The following MYOM2 variants were observed in gnomAD, a reference collection of about 807,000 sequenced individuals.
MYOM2 encodes the protein myomesin 2, also known as myomesin-2.
Under a neutral mutation model 187.6 loss-of-function variants are expected in MYOM2, and 254 were observed. The ratio of observed to expected loss-of-function variants is 1.35; its 90% confidence interval spans 1.22 to 1.50. MYOM2 has a LOEUF of 1.50. Ranked by LOEUF, MYOM2 falls within the 40% of genes most tolerant of loss-of-function variation. The pLI is 0.00. For missense variants in MYOM2, 2,796 were observed against 1,924.0 expected, an observed-to-expected ratio of 1.45 and a Z score of -8.48; for synonymous variants, 981 against 753.8, an observed-to-expected ratio of 1.30 and a Z score of -4.94.
At chr8:2,092,647 C>A in intron 16 of MYOM2, 127 bp downstream of exon 16, 3 of 959,958 alleles carry the variant, frequency 3.1e-6, no homozygotes, top group Non-Finnish European at 4.5e-6. Flanking sequence ...CTGTCTTAGC[C>A]ACACACAAGG....
At chr8:2,103,894 C>T (rs1796805313) in intron 21 of MYOM2, among the ~76,000 whole-genome samples, 1 of 151,976 alleles carries the variant, frequency 6.6e-6, no homozygotes, top group Non-Finnish European at 1.5e-5. Flanking sequence ...GGAGATAGTG[C>T]ATGTGTTATG....
At chr8:2,086,495 C>CA (rs1796075474) in intron 14 of MYOM2, among the ~76,000 whole-genome samples, 4 of 77,120 alleles carry the variant, frequency 5.2e-5, no homozygotes, top group African/African-American at 1.5e-4. Flanking sequence ...CTGTGTGGCC[C>CA]CCCACTGTCG....
At chr8:2,076,529 C>T (rs890384144) in intron 11 of MYOM2, 52 of 508,674 alleles carry the variant, frequency 1.0e-4, no homozygotes, top group African/African-American at 7.6e-4. Context: ...GCCTGTTGCA[C>T]ACCCAGTAAC....
At chr8:2,111,497 A>G (rs1797066689) in intron 25 of MYOM2, among the ~76,000 whole-genome samples, 1 of 152,230 alleles carries the variant, frequency 6.6e-6, no homozygotes, top group South Asian at 2.1e-4. Flanking sequence ...CCTATCATTC[A>G]TTCTCTACTC....
intron 31 of MYOM2, 112 bp from the exon 32 acceptor site, chr8:2,129,015 A>G (rs1554434564): frequency 3.0e-6 from 2 of 672,148 alleles, no homozygotes; most frequent in South Asian, 3.6e-5. Flanking sequence ...GAGAGACACA[A>G]GTGAGAACAG....
At chr8:2,084,132 A>G (rs1819727747) in intron 13 of MYOM2, among the ~76,000 whole-genome samples, 1 of 152,166 alleles carries the variant, frequency 6.6e-6, no homozygotes, top group South Asian at 2.1e-4. Context: ...TCTCTCTGGA[A>G]TGCTTTTTTC....
chr8:2,073,705 A>G (rs559612716), intron 10 of MYOM2, among the ~76,000 whole-genome samples: 15 of 152,360 alleles, frequency 9.8e-5, no homozygotes, highest in African/African-American at 3.1e-4. Context: ...AAGAATCGGG[A>G]CACAATCCGG....
chr8:2,067,266 T>G (rs953877517), intron 6 of MYOM2, among the ~76,000 whole-genome samples: 2 of 152,218 alleles, frequency 1.3e-5, no homozygotes, highest in African/African-American at 4.8e-5. Context: ...ACTGGCTTCT[T>G]AATGCATTTG....
At chr8:2,116,185 T>G in intron 26 of MYOM2, 31 bp from the exon 27 acceptor site, 1 of 1,599,050 alleles carries the variant, frequency 6.3e-7, no homozygotes, top group Non-Finnish European at 8.5e-7. Context: ...CAAACATGTT[T>G]CATATATATT....
intron 6 of MYOM2, among the ~76,000 whole-genome samples, chr8:2,062,861 C>T (rs1563421988): frequency 6.6e-6 from 1 of 152,162 alleles, no homozygotes; most frequent in South Asian, 2.1e-4. Flanking sequence ...ATATACCTTT[C>T]TCAAGAATGA....
intron 19 of MYOM2, among the ~76,000 whole-genome samples, chr8:2,100,187 T>TCCTG (rs1453518028): frequency 6.7e-6 from 1 of 149,444 alleles, no homozygotes; most frequent in Non-Finnish European, 1.5e-5. Context: ...CTTCCTTCCT[T>TCCTG]CCCTCCCTGC....
chr8:2,122,918 T>C (rs914882879), intron 28 of MYOM2, among the ~76,000 whole-genome samples: 7 of 152,212 alleles, frequency 4.6e-5, no homozygotes, highest in African/African-American at 1.7e-4. Context: ...GAAATCCCCA[T>C]ATATATTGCT....
At chr8:2,097,104 G>C (rs1410026228) in intron 18 of MYOM2, 1 of 981,820 alleles carries the variant, frequency 1.0e-6, no homozygotes, top group African/African-American at 1.7e-5. Flanking sequence ...CCTCAGGGGA[G>C]TCACTTACAC....
chr8:2,090,792 C>T lies in MYOM2; in HGVS notation c.1828+601C>T, dbSNP rs141101869. ...GCTTCACTCATATTCCTGCAAAGGA[C>T]GTGGTCTTGTTCTTTTTTATGGCTG... On this transcript the variant is annotated intron_variant, in intron 15 of 36. Coordinates refer to ENST00000262113, the MANE Select transcript of MYOM2 (RefSeq NM_003970.4). 1.5e-3 allele frequency among the ~76,000 whole-genome samples: 235 copies of T among 152,284 alleles called. 1 individual carries two copies. The highest frequency in any genetic ancestry group is 5.5e-3 in the African/African-American group (229 of 41,558).
chr8:2,092,289 C>A, intron 15 of MYOM2, 57 bp from the exon 16 acceptor site: 1 of 1,572,002 alleles, frequency 6.4e-7, no homozygotes, highest in Admixed American at 1.7e-5. Context: ...AAGATCTCTG[C>A]TGTAGCTTCC....
intron 25 of MYOM2, among the ~76,000 whole-genome samples, chr8:2,114,481 C>T (rs958859445): frequency 2.1e-5 from 3 of 144,648 alleles, no homozygotes; most frequent in Non-Finnish European, 4.6e-5. Context: ...TTCTTCTTTC[C>T]CCCTTTTTTT....
chr8:2,124,104 T>G, intron 30 of MYOM2, 75 bp from the exon 31 acceptor site: 1 of 1,406,596 alleles, frequency 7.1e-7, no homozygotes, highest in Non-Finnish European at 9.9e-7. Flanking sequence ...CTGCATCGAT[T>G]TAATTAAACA....
In MYOM2 at chr8:2,069,351, G is replaced by C; in HGVS notation, c.727G>C (p.Ala243Pro). 1 of 1,614,018 alleles carries C rather than the reference G, an allele frequency of 6.2e-7. No homozygotes were observed. Among genetic ancestry groups the C allele is most frequent in the Non-Finnish European group, 8.5e-7 (1 of 1,179,954 alleles). ...CCACGGACAAGTGTCCACCAACGCG[G>C]CGGTGGTGGTGAGAAGTGAGTGCCG... ...NAHGQVSTNA[A>P]VVVRRFRGDE... The change falls in exon 7 of 37, where the codon GCG becomes CCG. Residue 243 changes from alanine to proline, a missense_variant. Transcript: ENST00000262113.
intron 32 of MYOM2, among the ~76,000 whole-genome samples, chr8:2,136,909 G>A (rs781264601): frequency 1.1e-4 from 16 of 152,142 alleles, no homozygotes; most frequent in Admixed American, 7.9e-4. Flanking sequence ...CATTTGCAGC[G>A]CAACTTTCGT....
Sources: allele counts gnomAD v4.1 joint callset (sites outside exome capture counted in the v4.1 genomes callset), GRCh38; gene constraint gnomAD v4.1.1; transcripts MANE v1.5; gene names NCBI Gene and HGNC (gene_info 2026-07-23, HGNC 2026-07-21).